RNF213: variants seen among roughly 807,000 people sequenced by gnomAD.
RNF213 encodes the protein ring finger protein 213.
In RNF213, 341 loss-of-function variants were observed where a neutral mutation model predicts 514.4. That is an observed-to-expected ratio of 0.66 (90% CI 0.61 to 0.73). The LOEUF (loss-of-function observed/expected upper bound fraction) is 0.73, where lower values mean the gene tolerates loss of function less well. Among genes scored for constraint, RNF213 ranks in the 30% least tolerant of loss-of-function variants. The pLI is 0.00. For missense variants in RNF213, 5,767 were observed against 6,615.6 expected, an observed-to-expected ratio of 0.87 and a Z score of 4.45; for synonymous variants, 2,655 against 2,658.2, an observed-to-expected ratio of 1.00 and a Z score of 0.04.
intron 18 of RNF213, among the ~76,000 whole-genome samples, chr17:80,327,492 AAAGG>A (rs1460822204): frequency 1.3e-5 from 2 of 152,142 alleles, no homozygotes; most frequent in Admixed American, 1.3e-4. Flanking sequence ...AAAAAAAAAA[AAAGG>A]AAGTCAGTCC....
At position 80,354,033 on chromosome 17, in the gene RNF213, C is replaced by T; in HGVS notation, c.10593C>T (p.Asp3531=). ...ELGGSDVSIL[D]TTRLLRSCVQ... ...TCCACCAACAGGTGTCGATCCTGGA[C>T]ACCACCAGGCTGCTGAGAAGCTGTG... The change falls in exon 35 of 68, where the codon GAC becomes GAT. Residue 3531 remains aspartate (D), a synonymous_variant. Transcript: ENST00000582970. The T allele has an allele frequency of 6.2e-7, 1 of 1,613,904 alleles. No homozygotes were observed. Among genetic ancestry groups the T allele is most frequent in the Non-Finnish European group, 8.5e-7 (1 of 1,180,038 alleles).
At chr17:80,292,098 G>A in intron 8 of RNF213, 1 of 516,688 alleles carries the variant, frequency 1.9e-6, no homozygotes. Flanking sequence ...CTTTTTGTTT[G>A]TTTGTTTTCT....
At chr17:80,266,487 A>C (rs2043615611) in intron 2 of RNF213, among the ~76,000 whole-genome samples, 1 of 151,614 alleles carries the variant, frequency 6.6e-6, no homozygotes, top group South Asian at 2.1e-4. Context: ...CTTGCCTCTC[A>C]CTTTATTTTT....
At chr17:80,328,063 G>A (rs1367004027) in intron 19 of RNF213, 74 bp downstream of exon 19, 7 of 1,489,176 alleles carry the variant, frequency 4.7e-6, no homozygotes, top group Non-Finnish European at 6.3e-6. Flanking sequence ...GTGTTTGCGT[G>A]TGCATTTTTG....
chr17:80,284,329 A>C (rs560569960), intron 3 of RNF213, among the ~76,000 whole-genome samples: 1 of 152,234 alleles, frequency 6.6e-6, no homozygotes, highest in African/African-American at 2.4e-5. Context: ...ATGCCATTGC[A>C]CTCCAGCCTG....
In RNF213 at chr17:80,264,034, G is replaced by T. The variant is rs568487954; in HGVS notation, c.97+256G>T. Among the ~76,000 whole-genome samples, 2 of 152,256 alleles carry T rather than the reference G, an allele frequency of 1.3e-5. No homozygotes were observed. Among genetic ancestry groups the T allele is most frequent in the African/African-American group, 4.8e-5 (2 of 41,578 alleles). On this transcript the variant is annotated intron_variant, in intron 2 of 67. Transcript: ENST00000582970. The surrounding 1 kb of genome is among the most constrained non-coding windows in gnomAD (Gnocchi z 5.0). ...ACCCAGTGCTTCCGTCCCTCGTTCA[G>T]GCCCGGCCTGAGTGAGCCCACCCGA...
intron 11 of RNF213, among the ~76,000 whole-genome samples, chr17:80,299,311 C>T (rs893984819): frequency 2.0e-5 from 3 of 152,130 alleles, no homozygotes; most frequent in Non-Finnish European, 4.4e-5. Flanking sequence ...GTTTTTTCAG[C>T]GTGCTTTCAT....
intron 14 of RNF213, among the ~76,000 whole-genome samples, chr17:80,312,717 G>T (rs2045613316): frequency 6.6e-6 from 1 of 152,238 alleles, no homozygotes; most frequent in Non-Finnish European, 1.5e-5. Context: ...CACAGCCTGG[G>T]GACCTGCTCA....
rs78410347 is a variant in RNF213, at chr17:80,389,400, G to A, written c.15195+33G>A. On this transcript the variant is annotated intron_variant, in intron 65 of 67. Coordinates refer to ENST00000582970, the MANE Select transcript of RNF213 (RefSeq NM_001256071.3). Reference sequence around the variant, plus strand: ...TCACACCGAAAAGGAAATCAGCACAGCCCCTCACCCTGGTCTCCTGCTTCC... The same window carrying A: ...TCACACCGAAAAGGAAATCAGCACAACCCCTCACCCTGGTCTCCTGCTTCC... The A allele has an allele frequency of 8.8e-6, 14 of 1,593,402 alleles. No individual in the cohort carries two copies. In the East Asian group the frequency reaches 3.1e-4, roughly 36 times the overall value.
intron 14 of RNF213, among the ~76,000 whole-genome samples, chr17:80,312,061 G>GA (rs2045590555): frequency 6.6e-6 from 1 of 152,140 alleles, no homozygotes; most frequent in Non-Finnish European, 1.5e-5. Flanking sequence ...CCAGGAGGTG[G>GA]AGGTTGCAGT....
At position 80,364,478 on chromosome 17, in the gene RNF213, C is replaced by T. The variant is rs747565182; in HGVS notation, c.11796C>T (p.His3932=). The change falls in exon 42 of 68, where the codon CAC becomes CAT. Residue 3932 remains histidine, a synonymous_variant. Coordinates refer to ENST00000582970, the MANE Select transcript of RNF213 (RefSeq NM_001256071.3). The part of the protein sequence containing the change: ...RIFSTALFVE[H]VLLGTESRVP... ...TCTCCACCGCACTCTTCGTGGAGCA[C>T]GTGCTCCTAGGAACCGAGAGCCGCG... 2.2e-5 allele frequency: 36 copies of T among 1,614,034 alleles called. No individual in the cohort carries two copies. The highest frequency in any genetic ancestry group is 1.2e-4 in the South Asian group (11 of 91,088).
At position 80,260,962 on chromosome 17, in the gene RNF213, C is replaced by T. The variant is rs1248257596; in HGVS notation, c.-109+60C>T. 2.7e-5 allele frequency: 4 copies of T among 150,034 alleles called. No homozygotes were observed. The East Asian group carries it at 7.9e-4, about 30-fold the overall frequency. The allele number at this position is 150,034 out of a possible 1,614,324, so 9.3% of individuals were successfully genotyped here. On this transcript the variant is annotated intron_variant, in intron 1 of 67. Coordinates refer to ENST00000582970, the MANE Select transcript of RNF213 (RefSeq NM_001256071.3). ...GAGCGGGCTAGGATACAGTGGGCCC[C>T]GCGGGCCGGCGGGCCGGGTCCCGGG...
At chr17:80,363,878 G>A (rs1599137678) in intron 41 of RNF213, 88 bp downstream of exon 41, 11 of 1,317,100 alleles carry the variant, frequency 8.4e-6, no homozygotes, top group East Asian at 2.5e-5. Flanking sequence ...ATGAGAAGAC[G>A]GGCAGGTGCT....
chr17:80,290,637 A>G lies in RNF213; in HGVS notation c.1180A>G (p.Asn394Asp), dbSNP rs74490096. The G allele has an allele frequency of 7.7e-4, 1,236 of 1,614,038 alleles. 9 individuals are homozygous for G. The African/African-American group carries it at 0.014, about 19-fold the overall frequency. The part of the protein sequence containing the change: ...HAIISLHFPF[N>D]PDLHKVFIRG... ...CATCATCTCTCTTCATTTCCCATTC[A>G]ATCCTGACCTCCATAAAGTCTTCAT... The change falls in exon 7 of 68, where the codon AAT becomes GAT. Residue 394 changes from asparagine to aspartate, a missense_variant. Physicochemically the swap from Asn to Asp is conservative, Grantham distance 23. Around this residue, in one of 13 missense-constraint regions of RNF213, gnomAD observed 509 missense variants for 496.7 expected, o/e 1.02. Coordinates refer to ENST00000582970, the MANE Select transcript of RNF213 (RefSeq NM_001256071.3).
intron 67 of RNF213, 84 bp from the exon 68 acceptor site, chr17:80,393,261 G>A (rs377665672): frequency 0.015 from 16,613 of 1,139,042 alleles, 154 homozygotes; most frequent in Middle Eastern, 0.026. Flanking sequence ...GCTTACACAC[G>A]TGAGCCACAC....
At chr17:80,381,432 A>G in intron 56 of RNF213, 115 bp from the exon 57 acceptor site, 1 of 1,134,636 alleles carries the variant, frequency 8.8e-7, no homozygotes, top group East Asian at 2.4e-5. Flanking sequence ...TTTTCATCTT[A>G]GAAACCGCCT....
intron 1 of RNF213, among the ~76,000 whole-genome samples, chr17:80,261,496 A>T (rs1448183445): frequency 1.3e-5 from 2 of 151,938 alleles, no homozygotes; most frequent in South Asian, 4.1e-4. Flanking sequence ...GCCCTGGGGG[A>T]GTCCAGGGCG....
At position 80,268,645 on chromosome 17, in the gene RNF213, GTCTA is replaced by G. The variant is rs76458306; in HGVS notation, c.98-4588_98-4585del. Among the ~76,000 whole-genome samples, 60 of 151,190 alleles carry G rather than the reference GTCTA, an allele frequency of 4.0e-4. 1 individual carries two copies. Among genetic ancestry groups the G allele is most frequent in the Admixed American group, 7.9e-4 (12 of 15,172 alleles). Reference sequence around the variant, plus strand: ...CATCCATCCATCCATCCGTTTATCTGTCTATCTATCTGTCATCTGTCTTCTATCA... The same window carrying G: ...CATCCATCCATCCATCCGTTTATCTGTCTATCTGTCATCTGTCTTCTATCA... On this transcript the variant is annotated intron_variant, in intron 2 of 67. Transcript: ENST00000582970.
rs2079804694 is a variant in RNF213 at position 80,377,433 on chromosome 17, A to G, written c.13511-329A>G. ...TTTAAAGTTGTTATAAAATATGCTC[A>G]TGACAAAAAAAAAAAAATCAAGGAA... is the stretch of plus-strand genomic sequence containing the variant. On this transcript the variant is annotated intron_variant, in intron 53 of 67. Transcript: ENST00000582970. This position sits in a 1 kb window ranked among gnomAD's most constrained non-coding sequence, Gnocchi z 4.1. Among the ~76,000 whole-genome samples the G allele has an allele frequency of 8.5e-6, 1 of 116,966 alleles. No homozygotes were observed. Among genetic ancestry groups the G allele is most frequent in the Non-Finnish European group, 2.1e-5 (1 of 48,072 alleles). 76.7% of individuals were successfully genotyped at this position (116,966 alleles called of 152,430 possible).
Sources: gnomAD v4.1 joint callset for allele counts (sites outside exome capture counted in the v4.1 genomes callset) on GRCh38, gnomAD v4.1.1 for gene constraint, gnomAD v4.1.1 regional missense constraint, Gnocchi (gnomAD v3.1) non-coding constraint, MANE v1.5 for transcripts, NCBI Gene and HGNC (gene_info 2026-07-23, HGNC 2026-07-21) for gene names.